KALRN: variants seen among roughly 807,000 people sequenced by gnomAD.
KALRN encodes kalirin.
A neutral mutation model predicts 353.7 loss-of-function variants in KALRN; 70 were observed. The observed-to-expected ratio is 0.20, with a 90% CI of 0.16 to 0.24. KALRN has a LOEUF of 0.24. KALRN is among the 10% of genes least tolerant of loss of function. The pLI is 1.00. For synonymous variants in KALRN, 1,391 were observed against 1,434.8 expected, an observed-to-expected ratio of 0.97 and a Z score of 0.69; for missense variants, 2,791 against 3,756.7, an observed-to-expected ratio of 0.74 and a Z score of 6.72.
chr3:124,317,456 C>T (rs1227313124), intron 6 of KALRN, among the ~76,000 whole-genome samples: 1 of 152,106 alleles, frequency 6.6e-6, no homozygotes, highest in Non-Finnish European at 1.5e-5. Context: ...GCACATTTGG[C>T]ATGATGTTAT....
At chr3:124,407,835 A>C (rs2091736552) in intron 13 of KALRN, 1 of 152,194 alleles carries the variant, frequency 6.6e-6, no homozygotes, top group African/African-American at 2.4e-5. Context: ...CCCAGGCTGG[A>C]GTGCAGTGGC....
chr3:124,487,343 G>A (rs767100343), intron 28 of KALRN, among the ~76,000 whole-genome samples: 1 of 152,118 alleles, frequency 6.6e-6, no homozygotes, highest in Non-Finnish European at 1.5e-5. Context: ...CTCCAATGAG[G>A]AAATACAAAA....
chr3:124,103,912 C>T (rs1043234226), intron 1 of KALRN, among the ~76,000 whole-genome samples: 11 of 151,992 alleles, frequency 7.2e-5, no homozygotes, highest in Non-Finnish European at 1.2e-4. Context: ...GCTGAGATCA[C>T]GCTACTGCAC....
At chr3:124,652,187 A>G (rs2083491304) in intron 38 of KALRN, among the ~76,000 whole-genome samples, 1 of 152,224 alleles carries the variant, frequency 6.6e-6, no homozygotes, top group African/African-American at 2.4e-5. Flanking sequence ...CTAGAAATGT[A>G]CAAAGTGTCT....
intron 23 of KALRN, among the ~76,000 whole-genome samples, chr3:124,461,492 C>T (rs1325320994): frequency 6.6e-6 from 1 of 151,952 alleles, no homozygotes; most frequent in African/African-American, 2.4e-5. Flanking sequence ...ATTCTGGGAG[C>T]TGTAGGAGAA....
chr3:124,542,570 C>G (rs1284052293), intron 33 of KALRN, among the ~76,000 whole-genome samples: 4 of 152,188 alleles, frequency 2.6e-5, no homozygotes, highest in Admixed American at 2.6e-4. Context: ...TTGTCAGAAT[C>G]TGCAGAAATA....
chr3:124,573,447 C>T (rs1424713009), intron 34 of KALRN, among the ~76,000 whole-genome samples: 2 of 151,082 alleles, frequency 1.3e-5, no homozygotes, highest in Non-Finnish European at 2.9e-5. Context: ...CAGCCTGAAT[C>T]ATCCCCAGGA....
At chr3:124,170,884 G>A (rs1352998528) in intron 1 of KALRN, among the ~76,000 whole-genome samples, 6 of 102,784 alleles carry the variant, frequency 5.8e-5, no homozygotes, top group Non-Finnish European at 8.9e-5. Flanking sequence ...ACATGGTCTC[G>A]CTTTGTCACC....
intron 1 of KALRN, among the ~76,000 whole-genome samples, chr3:124,038,833 A>C (rs1431325438): frequency 1.3e-5 from 2 of 152,198 alleles, no homozygotes; most frequent in Non-Finnish European, 2.9e-5. Context: ...TCACTCTCCC[A>C]GTCATGATAT....
At chr3:124,423,579 T>C (rs2092880117) in intron 15 of KALRN, among the ~76,000 whole-genome samples, 1 of 152,242 alleles carries the variant, frequency 6.6e-6, no homozygotes, top group African/African-American at 2.4e-5. Flanking sequence ...AATGTCACAT[T>C]TTAAAAATAG....
chr3:124,474,436 C>T (rs1169447417), intron 25 of KALRN, among the ~76,000 whole-genome samples: 1 of 138,074 alleles, frequency 7.2e-6, no homozygotes, highest in African/African-American at 3.0e-5. Flanking sequence ...GAAGTGTTCA[C>T]TCCGAGAGAA....
intron 34 of KALRN, among the ~76,000 whole-genome samples, chr3:124,610,044 C>T (rs1424308843): frequency 6.6e-6 from 1 of 152,118 alleles, no homozygotes; most frequent in African/African-American, 2.4e-5. Flanking sequence ...TTTTCCCCAA[C>T]AAATGTTTAT....
At chr3:124,573,475 G>C (rs1268770937) in intron 34 of KALRN, among the ~76,000 whole-genome samples, 1 of 152,070 alleles carries the variant, frequency 6.6e-6, no homozygotes, top group African/African-American at 2.4e-5. Flanking sequence ...AGGGGTCAGG[G>C]TTCTCTTTCT....
chr3:124,233,793 G>T (rs1479411193), intron 2 of KALRN, among the ~76,000 whole-genome samples: 1 of 152,084 alleles, frequency 6.6e-6, no homozygotes, highest in African/African-American at 2.4e-5. Flanking sequence ...TCCCTTTGTG[G>T]TCCTACTCTG....
At chr3:124,093,435 C>T (rs531317502) in intron 1 of KALRN, among the ~76,000 whole-genome samples, 24 of 152,328 alleles carry the variant, frequency 1.6e-4, no homozygotes, top group African/African-American at 5.5e-4. Context: ...GACCTGGGGA[C>T]TCCTCAGGTT....
intron 51 of KALRN, among the ~76,000 whole-genome samples, chr3:124,686,415 CT>C (rs1439788630): frequency 6.6e-6 from 1 of 152,202 alleles, no homozygotes; most frequent in African/African-American, 2.4e-5. Flanking sequence ...GGTAGCCTGT[CT>C]CCCAGGGAGC....
chr3:124,369,362 T>C (rs1344782868), intron 10 of KALRN, among the ~76,000 whole-genome samples: 1 of 152,338 alleles, frequency 6.6e-6, no homozygotes, highest in South Asian at 2.1e-4. Flanking sequence ...ATTGCAAAGA[T>C]GTGTAAAGAG....
In KALRN at chr3:124,571,086, C is replaced by T. The variant is rs78971978; in HGVS notation, c.5182+7997C>T. Among the ~76,000 whole-genome samples the T allele has an allele frequency of 7.1e-3, 1,078 of 152,284 alleles. 15 individuals carry two copies. The highest frequency in any genetic ancestry group is 0.055 in the East Asian group (284 of 5,190). ...CTTCTATTCTCCCCCGTCCGAGCCC[C>T]GAGTGTAAATCCACCAGTGCTAATT... On this transcript the variant is annotated intron_variant, in intron 34 of 59. Transcript: ENST00000682506.
chr3:124,540,029 C>T (rs977543185), intron 33 of KALRN, among the ~76,000 whole-genome samples: 4 of 152,112 alleles, frequency 2.6e-5, no homozygotes, highest in Non-Finnish European at 4.4e-5. Flanking sequence ...CCTGCCTCAG[C>T]CTCCCGATTA....
Sources: gnomAD v4.1 joint callset for allele counts (sites outside exome capture counted in the v4.1 genomes callset) on GRCh38, gnomAD v4.1.1 for gene constraint, MANE v1.5 for transcripts, NCBI Gene and HGNC (gene_info 2026-07-23, HGNC 2026-07-21) for gene names.